PCID2: variants seen among roughly 807,000 people sequenced by gnomAD.
The protein encoded by PCID2 is PCI domain containing 2.
Under a neutral mutation model 61.3 loss-of-function variants are expected in PCID2, and 41 were observed. The ratio of observed to expected loss-of-function variants is 0.67; its 90% CI spans 0.52 to 0.87. The LOEUF (loss-of-function observed/expected upper bound fraction) is 0.87. Ranked by LOEUF, PCID2 falls within the 40% of genes least tolerant of loss-of-function variation. The pLI, the probability that PCID2 is intolerant of heterozygous loss-of-function variation, is 0.00. For missense variants in PCID2, 392 were observed against 493.4 expected (o/e 0.79, Z 1.95); for synonymous variants, 187 against 177.8 (o/e 1.05, Z -0.41).
chr13:113,171,677 G>T, the PCID2 span: 5 of 1,614,032 alleles, frequency 3.1e-6, no homozygotes, highest in Non-Finnish European at 4.2e-6. This position sits in a 1 kb window ranked among gnomAD's most constrained non-coding sequence, Gnocchi z 5.1. Context: ...GGACGCGGGG[G>T]AGAATGACCT....
At chr13:113,198,121 C>A in intron 3 of PCID2, 70 bp downstream of exon 3, 1 of 1,037,604 alleles carries the variant, frequency 9.6e-7, no homozygotes, top group Non-Finnish European at 1.5e-6. Context: ...CAAGATAATG[C>A]AAGATAAAAT....
intron 8 of PCID2, 64 bp downstream of exon 8, chr13:113,185,421 A>G (rs763849388): frequency 9.2e-5 from 98 of 1,068,326 alleles, no homozygotes; most frequent in Admixed American, 2.6e-4. Context: ...TATATATATG[A>G]TATGTGGGAA....
At chr13:113,207,530 A>G (rs2139010055) in intron 1 of PCID2, among the ~76,000 whole-genome samples, 1 of 152,374 alleles carries the variant, frequency 6.6e-6, no homozygotes, top group South Asian at 2.1e-4. Flanking sequence ...ATTGGCAAGT[A>G]TAGAACTTGA....
At chr13:113,208,051 CATG>C in intron 1 of PCID2, 1 of 1,612,848 alleles carries the variant, frequency 6.2e-7, no homozygotes. Context: ...CTGTCAGACG[CATG>C]TACCGAGCGA....
chr13:113,169,922 A>C, the PCID2 span, among the ~76,000 whole-genome samples: 1,609 of 152,316 alleles, frequency 0.011, 26 homozygotes, highest in African/African-American at 0.035. Flanking sequence ...TCTGTTCTGC[A>C]GGACTCTGTT....
intron 1 of PCID2, among the ~76,000 whole-genome samples, chr13:113,202,838 G>A (rs2039529416): frequency 6.6e-6 from 1 of 152,144 alleles, no homozygotes; most frequent in South Asian, 2.1e-4. Context: ...TTAAATATAA[G>A]TTACTTACAA....
chr13:113,192,928 C>A (rs1476822433), intron 6 of PCID2, among the ~76,000 whole-genome samples: 1 of 152,072 alleles, frequency 6.6e-6, no homozygotes, highest in Non-Finnish European at 1.5e-5. Context: ...AAAGAGAGAT[C>A]CCTTGCCCCA....
At chr13:113,197,286 A>G (rs2039087850) in intron 3 of PCID2, 43 bp from the exon 4 acceptor site, 1 of 1,394,046 alleles carries the variant, frequency 7.2e-7, no homozygotes, top group Non-Finnish European at 1.0e-6. Context: ...ATAAAAACCT[A>G]GCACTAGTTA....
At chr13:113,174,108 C>T (rs915691339), downstream of PCID2, among the ~76,000 whole-genome samples, 1 of 151,770 alleles carries the variant, frequency 6.6e-6, no homozygotes, top group Non-Finnish European at 1.5e-5. Context: ...CGTGGTGGCT[C>T]ACGCCTGTAA....
At chr13:113,188,938 C>T (rs1322436020) in intron 7 of PCID2, among the ~76,000 whole-genome samples, 1 of 152,158 alleles carries the variant, frequency 6.6e-6, no homozygotes, top group African/African-American at 2.4e-5. Flanking sequence ...TGGGCTACTG[C>T]TATGGTTTGG....
chr13:113,194,703 T>C (rs1350755057), intron 6 of PCID2, among the ~76,000 whole-genome samples: 2 of 152,112 alleles, frequency 1.3e-5, no homozygotes, highest in East Asian at 3.9e-4. Flanking sequence ...ACTGCCCAAA[T>C]CTATATGAAG....
the PCID2 span, chr13:113,171,648 T>G: frequency 6.2e-7 from 1 of 1,614,170 alleles, no homozygotes; most frequent in Non-Finnish European, 8.5e-7. The surrounding 1 kb of genome is among the most constrained non-coding windows in gnomAD (Gnocchi z 5.1). Context: ...CACGTCCATG[T>G]GCACATGCGG....
intron 9 of PCID2, among the ~76,000 whole-genome samples, chr13:113,182,258 C>G (rs529995532): frequency 1.3e-5 from 2 of 152,074 alleles, no homozygotes; most frequent in Non-Finnish European, 2.9e-5. Flanking sequence ...GCCACATTGG[C>G]ACAAAAAACA....
intron 6 of PCID2, among the ~76,000 whole-genome samples, chr13:113,192,885 TGAGGTCATGAAGGTGAA>T (rs1359165053): frequency 6.6e-6 from 1 of 152,190 alleles, no homozygotes; most frequent in Non-Finnish European, 1.5e-5. Context: ...TGGAAGGTGA[TGAGGTCATGAAGGTGAA>T]GCTGTCATGA....
chr13:113,184,614 T>C (rs2037933326), intron 8 of PCID2, 127 bp from the exon 9 acceptor site: 3 of 631,524 alleles, frequency 4.8e-6, no homozygotes, highest in Non-Finnish European at 8.3e-6. Context: ...ATTATTTATA[T>C]AATAAAACCA....
Position 113,207,130 on chromosome 13 carries a change from C to T in PCID2, c.36+1469G>A, listed in dbSNP as rs139382906. ...GCAAGTAGGCTTCACTCTAATACAT[C>T]GCAAGCTTTTGCCAGCTAAGTTGTA... On this transcript the variant is annotated intron_variant, in intron 1 of 13. Coordinates refer to ENST00000337344, the MANE Select transcript of PCID2 (RefSeq NM_001127202.4). Among the ~76,000 whole-genome samples, 5 of 152,338 alleles carry T rather than the reference C, an allele frequency of 3.3e-5. No homozygotes were observed. In the East Asian group the frequency reaches 7.7e-4, roughly 23 times the overall value.
chr13:113,175,421 T>C (rs1227400622), downstream of PCID2, among the ~76,000 whole-genome samples: 1 of 152,214 alleles, frequency 6.6e-6, no homozygotes, highest in Non-Finnish European at 1.5e-5. Context: ...AATTCAGGTA[T>C]GCTGGCAGAA....
chr13:113,174,099 G>A (rs2037155240), downstream of PCID2, among the ~76,000 whole-genome samples: 1 of 151,848 alleles, frequency 6.6e-6, no homozygotes. Context: ...TTTGCCAAGC[G>A]TGGTGGCTCA....
chr13:113,198,344 C>G lies in PCID2; in HGVS notation c.127-80G>C, dbSNP rs919018112. Reference sequence around the variant, plus strand: ...GCAACATATAGAAAGAGATTTAAACCTCTGTTTCAAGAGAATTTATGCTTT... The same window carrying G: ...GCAACATATAGAAAGAGATTTAAACGTCTGTTTCAAGAGAATTTATGCTTT... On this transcript the variant is annotated intron_variant, in intron 2 of 13. Transcript: ENST00000337344. 58 of 841,762 alleles carry G rather than the reference C, an allele frequency of 6.9e-5. 1 individual carries two copies. In the East Asian group the frequency reaches 1.4e-3, roughly 20 times the overall value. The allele number at this position is 841,762 out of a possible 1,614,324, so 52.1% of individuals were successfully genotyped here.
Sources: allele counts gnomAD v4.1 joint callset (sites outside exome capture counted in the v4.1 genomes callset), GRCh38; gene constraint gnomAD v4.1.1; non-coding constraint Gnocchi (gnomAD v3.1); transcripts MANE v1.5; gene names NCBI Gene and HGNC (gene_info 2026-07-23, HGNC 2026-07-21).